ARHGAP22: variants seen among roughly 807,000 people sequenced by gnomAD.
ARHGAP22 encodes Rho GTPase activating protein 22.
Under a neutral mutation model 59.1 loss-of-function variants are expected in ARHGAP22, and 48 were observed. The observed-to-expected ratio is 0.81, with a 90% confidence interval of 0.64 to 1.03. The LOEUF is 1.03. ARHGAP22 is among the 50% of genes least tolerant of loss of function. The pLI, the probability that ARHGAP22 is intolerant of heterozygous loss-of-function variation, is 0.00. For missense variants in ARHGAP22, 1,015 were observed against 958.7 expected (o/e 1.06, Z -0.78); for synonymous variants, 445 against 416.4 (o/e 1.07, Z -0.84).
chr10:48,599,282 C>A (rs568725798), intron 1 of ARHGAP22, among the ~76,000 whole-genome samples: 1 of 152,314 alleles, frequency 6.6e-6, no homozygotes, highest in African/African-American at 2.4e-5. Flanking sequence ...GACCCTGGGG[C>A]ACCTCTATCC....
chr10:48,646,824 G>A (rs772925237), intron 1 of ARHGAP22, among the ~76,000 whole-genome samples: 1 of 152,166 alleles, frequency 6.6e-6, no homozygotes, highest in Non-Finnish European at 1.5e-5. Context: ...TGTTGGGTTA[G>A]GTGGACTCTT....
chr10:48,500,503 A>G (rs2051399081), intron 3 of ARHGAP22, among the ~76,000 whole-genome samples: 1 of 152,156 alleles, frequency 6.6e-6, no homozygotes, highest in Admixed American at 6.5e-5. Flanking sequence ...TTCTCTAATA[A>G]ATGGGATAGG....
At chr10:48,450,049 G>GCTGACTGCGTGCCAGA (rs575602256) in intron 9 of ARHGAP22, among the ~76,000 whole-genome samples, 123 of 152,342 alleles carry the variant, frequency 8.1e-4, no homozygotes, top group African/African-American at 2.6e-3. Context: ...CCTCTGCAGC[G>GCTGACTGCGTGCCAGA]CTGACTGCGT....
At chr10:48,435,956 TCTTTCC>T in the ARHGAP22 span, 6 of 152,256 alleles carry the variant, frequency 3.9e-5, no homozygotes, top group African/African-American at 1.4e-4. Flanking sequence ...TAGAGTCTGG[TCTTTCC>T]CTTTCCTGCA....
chr10:48,515,066 A>G (rs568088241), intron 3 of ARHGAP22, among the ~76,000 whole-genome samples: 33 of 152,294 alleles, frequency 2.2e-4, no homozygotes, highest in African/African-American at 7.7e-4. Context: ...ACAAATTCCA[A>G]AGTGGCTAAC....
At chr10:48,449,105 C>T (rs1383770846) in intron 9 of ARHGAP22, among the ~76,000 whole-genome samples, 1 of 152,222 alleles carries the variant, frequency 6.6e-6, no homozygotes, top group Non-Finnish European at 1.5e-5. Flanking sequence ...GCTGGTCCAG[C>T]CCAGCCTTCT....
At chr10:48,639,570 A>G (rs897680650) in intron 1 of ARHGAP22, among the ~76,000 whole-genome samples, 5 of 152,212 alleles carry the variant, frequency 3.3e-5, no homozygotes, top group African/African-American at 1.2e-4. Flanking sequence ...TTACTAAATT[A>G]CACAGAAACA....
At chr10:48,441,011 G>A in the ARHGAP22 span, among the ~76,000 whole-genome samples, 2 of 152,200 alleles carry the variant, frequency 1.3e-5, no homozygotes, top group Non-Finnish European at 2.9e-5. Flanking sequence ...TACATGCAGG[G>A]TGTTTTGCAA....
At chr10:48,444,342 CCT>C (rs1564647476), downstream of ARHGAP22, 1 of 152,336 alleles carries the variant, frequency 6.6e-6, no homozygotes, top group East Asian at 1.9e-4. Flanking sequence ...GACAGGTCAG[CCT>C]CTGTCACTCA....
At chr10:48,480,811 C>T (rs985290782) in intron 3 of ARHGAP22, among the ~76,000 whole-genome samples, 4 of 152,256 alleles carry the variant, frequency 2.6e-5, no homozygotes, top group African/African-American at 4.8e-5. Flanking sequence ...CTGTTGAATG[C>T]ACACAGCGAA....
rs78559724 is a variant in ARHGAP22, at chr10:48,510,010, C to T, written c.323-30246G>A. On this transcript the variant is annotated intron_variant, in intron 3 of 9. Coordinates refer to ENST00000249601, the MANE Select transcript of ARHGAP22 (RefSeq NM_021226.4). The stretch of plus-strand genomic sequence containing the variant: ...GAATATGAATTTTGGAGTTAGTCAG[C>T]GGTGGGTTCAAACATAGCTTCACCA... 9.3e-3 allele frequency among the ~76,000 whole-genome samples: 1,420 copies of T among 152,272 alleles called. 19 individuals carry two copies. The highest frequency in any genetic ancestry group is 0.032 in the African/African-American group (1,312 of 41,542).
At chr10:48,627,598 C>T (rs1047865864) in intron 1 of ARHGAP22, among the ~76,000 whole-genome samples, 1 of 152,238 alleles carries the variant, frequency 6.6e-6, no homozygotes, top group Non-Finnish European at 1.5e-5. Flanking sequence ...GCGCTCCACA[C>T]TGAGTGGGGA....
intron 2 of ARHGAP22, among the ~76,000 whole-genome samples, chr10:48,577,145 T>C (rs1431954615): frequency 6.6e-6 from 1 of 152,208 alleles, no homozygotes; most frequent in Non-Finnish European, 1.5e-5. Flanking sequence ...CAAGTTTTCA[T>C]CCAACCCTTC....
At chr10:48,431,377 T>A in the ARHGAP22 span, 5 of 737,726 alleles carry the variant, frequency 6.8e-6, no homozygotes, top group Admixed American at 2.9e-5. Flanking sequence ...ATCATTATTA[T>A]TCCAGGCTTA....
At chr10:48,484,351 T>A (rs963321388) in intron 3 of ARHGAP22, among the ~76,000 whole-genome samples, 1 of 152,272 alleles carries the variant, frequency 6.6e-6, no homozygotes, top group Non-Finnish European at 1.5e-5. Context: ...AAATCCCGCT[T>A]GGTAATGATG....
rs553050417 is a variant in ARHGAP22 at position 48,637,459 on chromosome 10, G to A, written c.52+14775C>T. ...GGTGGGTGAATGGGTGGATTTGTAG[G>A]TAGATGGATAGATGGTAGATGGGTG... On this transcript the variant is annotated intron_variant, in intron 1 of 9. Transcript: ENST00000435790. Among the ~76,000 whole-genome samples the A allele has an allele frequency of 6.6e-5, 10 of 151,884 alleles. No homozygotes were observed. In the South Asian group the frequency reaches 2.1e-3, roughly 32 times the overall value.
In ARHGAP22 at chr10:48,551,180, G is replaced by A. The variant is rs139228307; in HGVS notation, c.322+4283C>T. On this transcript the variant is annotated intron_variant, in intron 3 of 9. Transcript: ENST00000249601. ...GACGGTGTTGTGAACTGGGGCAGGG[G>A]CACCCTCCCAACCAGCTCCTCTGGG... Among the ~76,000 whole-genome samples the A allele has an allele frequency of 7.8e-3, 1,194 of 152,284 alleles. 11 individuals carry two copies. Among genetic ancestry groups the A allele is most frequent in the Non-Finnish European group, 0.013 (905 of 68,012 alleles).
chr10:48,612,725 C>T (rs775924664), intron 1 of ARHGAP22, among the ~76,000 whole-genome samples: 3 of 152,230 alleles, frequency 2.0e-5, no homozygotes, highest in Non-Finnish European at 2.9e-5. Flanking sequence ...CTTTCTGTGA[C>T]TCACAACCCA....
chr10:48,569,789 C>T (rs1337417711), intron 2 of ARHGAP22, among the ~76,000 whole-genome samples: 4 of 152,128 alleles, frequency 2.6e-5, no homozygotes, highest in Non-Finnish European at 5.9e-5. Context: ...GGCAGTATAG[C>T]TCTGGGTGCA....
Sources: gnomAD v4.1 joint callset for allele counts (sites outside exome capture counted in the v4.1 genomes callset) on GRCh38, gnomAD v4.1.1 for gene constraint, MANE v1.5 for transcripts, NCBI Gene and HGNC (gene_info 2026-07-23, HGNC 2026-07-21) for gene names.